RTL9: variants seen among roughly 807,000 people sequenced by gnomAD.
RTL9 encodes the protein retrotransposon Gag like 9, also known as retrotransposon Gag-like protein 9.
A neutral mutation model predicts 44.7 loss-of-function variants in RTL9; 19 were observed. That is an observed-to-expected ratio of 0.42 (90% CI 0.30 to 0.62). RTL9 has a LOEUF of 0.62. Ranked by LOEUF, RTL9 falls within the 20% of genes least tolerant of loss-of-function variation. The pLI is 0.16. For synonymous variants in RTL9, 407 were observed against 398.9 expected (o/e 1.02, Z -0.24); for missense variants, 1,105 against 1,080.6 (o/e 1.02, Z -0.32).
rs144541134 is a variant in RTL9 at position 110,361,769 on chromosome X, C to A, written c.-168+2853C>A. Among the ~76,000 whole-genome samples, 868 of 112,505 alleles carry A rather than the reference C, an allele frequency of 7.7e-3. 12 individuals carry two copies. The highest frequency in any genetic ancestry group is 0.027 in the African/African-American group (835 of 30,983). On this transcript the variant is annotated intron_variant, in intron 1 of 2. Coordinates refer to the RTL9 transcript ENST00000520821. ...GTTTATCTATTTATTTGTTTATCAT[C>A]TATCTCCTTCTGCTAGAACAGGAGC... is the stretch of plus-strand genomic sequence containing the variant.
intron 1 of RTL9, among the ~76,000 whole-genome samples, chrX:110,421,153 A>T (rs113387159): frequency 0.05 from 5,564 of 112,254 alleles, 349 homozygotes; most frequent in African/African-American, 0.17. Flanking sequence ...CCAGCCCGTG[A>T]AAATGGATCA....
At chrX:110,454,428 C>T (rs1456180070) in exon 1 of RTL9, 13 of 1,211,654 alleles carry the variant, frequency 1.1e-5, no homozygotes, top group Admixed American at 2.2e-5. Flanking sequence ...TGCCATTCTA[C>T]GGACCAGGTT....
Position 110,454,412 on chromosome X carries a change from G to A in RTL9, c.3795G>A (p.Trp1265Ter). 1 of 1,212,067 alleles carries A rather than the reference G, an allele frequency of 8.3e-7. No homozygotes were observed. Among genetic ancestry groups the A allele is most frequent in the Non-Finnish European group, 1.1e-6 (1 of 895,561 alleles). ...TGCTGCTGGCCCGACATTTGTCTTGGTCTGATGCCATTCTACGGACCAGGT... is the reference window on the plus strand; with the variant it reads ...TGCTGCTGGCCCGACATTTGTCTTGATCTGATGCCATTCTACGGACCAGGT... The change falls in exon 1 of 2, where the codon TGG becomes TGA. Residue 1265 changes from tryptophan to a stop codon, truncating the protein, a stop_gained. Transcript: ENST00000540313. LOFTEE classifies it high-confidence loss of function.
At chrX:110,389,600 T>A (rs2148284747) in intron 1 of RTL9, among the ~76,000 whole-genome samples, 1 of 112,236 alleles carries the variant, frequency 8.9e-6, no homozygotes, top group East Asian at 2.8e-4. Context: ...CCCTTAAGGT[T>A]ATTCAATCTT....
chrX:110,430,083 A>T (rs897355527), intron 1 of RTL9, among the ~76,000 whole-genome samples: 5 of 112,280 alleles, frequency 4.5e-5, no homozygotes, highest in African/African-American at 1.6e-4. Flanking sequence ...GGCACTATTA[A>T]TCCAGGAGTT....
At chrX:110,442,176 G>C in intron 1 of RTL9, among the ~76,000 whole-genome samples, 1 of 108,054 alleles carries the variant, frequency 9.3e-6, no homozygotes, top group Non-Finnish European at 1.9e-5. Flanking sequence ...GCAGGTTGTT[G>C]AGCTCTGGCT....
intron 1 of RTL9, among the ~76,000 whole-genome samples, chrX:110,378,031 A>AAT (rs1331092017): frequency 8.4e-5 from 9 of 107,596 alleles, no homozygotes; most frequent in African/African-American, 2.7e-4. Flanking sequence ...AAAAAAAAAA[A>AAT]ATATCTACCT....
At chrX:110,425,969 C>T (rs759114431) in intron 1 of RTL9, among the ~76,000 whole-genome samples, 4 of 110,786 alleles carry the variant, frequency 3.6e-5, no homozygotes, top group African/African-American at 6.7e-5. Flanking sequence ...AAGTTTAGTG[C>T]GTGCGTGCGC....
chrX:110,448,433 T>A (rs1473783202), upstream of RTL9, among the ~76,000 whole-genome samples: 1 of 109,691 alleles, frequency 9.1e-6, no homozygotes, highest in African/African-American at 3.3e-5. Context: ...TTTCATCTCA[T>A]CTTTTTAATT....
intron 2 of RTL9, among the ~76,000 whole-genome samples, 167 bp downstream of exon 2, chrX:110,445,435 T>C (rs1430037854): frequency 8.9e-6 from 1 of 111,830 alleles, no homozygotes; most frequent in African/African-American, 3.3e-5. Flanking sequence ...TGCTAGCTAT[T>C]TCCCCCTCTT....
chrX:110,452,157 C>T lies in RTL9; in HGVS notation c.1540C>T (p.Pro514Ser), dbSNP rs752578391. ...AACTTCTGGAGCAATGTCCACCCAA[C>T]CAGTTACGGCAACAGCCTCTGAAAC... The change falls in exon 1 of 2, where the codon CCA (proline) becomes TCA (serine). Residue 514 changes from proline (P) to serine (S), a missense_variant. Physicochemically the swap from Pro to Ser is moderately conservative, Grantham distance 74. Transcript: ENST00000540313. The T allele has an allele frequency of 1.2e-5, 15 of 1,212,084 alleles. No homozygotes were observed. The highest frequency in any genetic ancestry group is 1.7e-5 in the Non-Finnish European group (15 of 895,583).
intron 1 of RTL9, among the ~76,000 whole-genome samples, chrX:110,367,923 C>T (rs751825841): frequency 1.8e-5 from 2 of 109,370 alleles, no homozygotes; most frequent in South Asian, 4.0e-4. Context: ...ATCCTCCCAC[C>T]TCAGATTTCC....
At chrX:110,421,121 C>T (rs2068714204) in intron 1 of RTL9, among the ~76,000 whole-genome samples, 1 of 112,264 alleles carries the variant, frequency 8.9e-6, no homozygotes, top group African/African-American at 3.2e-5. Context: ...CTCATCCAGC[C>T]CCTCTGACTT....
chrX:110,455,292 C>T (rs1420371802), exon 2 of RTL9: 3 of 1,210,466 alleles, frequency 2.5e-6, no homozygotes, highest in African/African-American at 3.5e-5. Flanking sequence ...GAGCACAGGC[C>T]ATCATCAGAA....
intron 1 of RTL9, among the ~76,000 whole-genome samples, chrX:110,406,692 G>A (rs745705014): frequency 8.9e-6 from 1 of 111,962 alleles, no homozygotes; most frequent in East Asian, 2.8e-4. Flanking sequence ...TGTCTTCCAC[G>A]ATATTTGAAC....
At chrX:110,451,970 C>T in exon 1 of RTL9, 1 of 1,211,854 alleles carries the variant, frequency 8.3e-7, no homozygotes, top group Non-Finnish European at 1.1e-6. Context: ...GAGTGATGTC[C>T]ACAGAGCAAA....
At position 110,454,669 on chromosome X, in the gene RTL9, TGAG is replaced by T. The variant is rs774627154; in HGVS notation, c.4047+7_4047+9del. The T allele has an allele frequency of 8.5e-7, 1 of 1,171,287 alleles. No homozygotes were observed. The highest frequency in any genetic ancestry group is 1.1e-6 in the Non-Finnish European group (1 of 871,895). ...TCTCAGCAGCAGACTGAGGAGGTAATGAGGGGGAAATCCGCTGAAGGTTTTTGA... is the reference window on the plus strand; with the variant it reads ...TCTCAGCAGCAGACTGAGGAGGTAATGGGGAAATCCGCTGAAGGTTTTTGA... On this transcript the variant is annotated splice_donor_region_variant and intron_variant, in intron 1 of 1. Coordinates refer to ENST00000540313, the Ensembl canonical transcript of RTL9.
intron 1 of RTL9, among the ~76,000 whole-genome samples, chrX:110,454,910 A>C (rs1840674401): frequency 9.0e-6 from 1 of 111,512 alleles, no homozygotes; most frequent in Non-Finnish European, 1.9e-5. Flanking sequence ...TTGAAGTACT[A>C]ATTCTTCTCA....
chrX:110,373,025 C>G (rs192790965), intron 1 of RTL9, among the ~76,000 whole-genome samples: 3 of 111,944 alleles, frequency 2.7e-5, no homozygotes, highest in Non-Finnish European at 3.8e-5. Flanking sequence ...TTACTATGTG[C>G]CAAGCATTGT....
Sources: allele counts gnomAD v4.1 joint callset (sites outside exome capture counted in the v4.1 genomes callset), GRCh38; gene constraint gnomAD v4.1.1; transcripts MANE v1.5; gene names NCBI Gene and HGNC (gene_info 2026-07-23, HGNC 2026-07-21).